DLGAP1: variants seen among roughly 807,000 people sequenced by gnomAD.
The protein encoded by DLGAP1 is DLG associated protein 1, also known as disks large-associated protein 1.
Under a neutral mutation model 90.8 loss-of-function variants are expected in DLGAP1, and 11 were observed. That is an observed-to-expected ratio of 0.12 (90% CI 0.08 to 0.20). The LOEUF (loss-of-function observed/expected upper bound fraction) is 0.20, where lower values mean the gene tolerates loss of function less well. DLGAP1 is among the 10% of genes least tolerant of loss of function. The pLI, the probability that DLGAP1 is intolerant of heterozygous loss-of-function variation, is 1.00. For synonymous variants in DLGAP1, 558 were observed against 540.7 expected (o/e 1.03, Z -0.44); for missense variants, 1,050 against 1,333.8 (o/e 0.79, Z 3.31).
intron 7 of DLGAP1, among the ~76,000 whole-genome samples, chr18:3,697,237 G>A (rs1210734707): frequency 1.3e-5 from 2 of 151,742 alleles, no homozygotes; most frequent in Non-Finnish European, 2.9e-5. Flanking sequence ...GCTAGCTTTT[G>A]CATTTGTTTG....
At chr18:3,967,023 G>A (rs1235844455) in intron 3 of DLGAP1, among the ~76,000 whole-genome samples, 2 of 152,196 alleles carry the variant, frequency 1.3e-5, no homozygotes, top group African/African-American at 4.8e-5. Context: ...AAGCAGAAGG[G>A]AAACCAGGAG....
intron 1 of DLGAP1, among the ~76,000 whole-genome samples, chr18:4,322,464 TC>T (rs2080715021): frequency 6.6e-6 from 1 of 152,176 alleles, no homozygotes; most frequent in African/African-American, 2.4e-5. Flanking sequence ...AAAACTGGAT[TC>T]TTTATCACAA....
chr18:4,444,987 C>T (rs1474988007), intron 1 of DLGAP1, among the ~76,000 whole-genome samples: 1 of 152,180 alleles, frequency 6.6e-6, no homozygotes, highest in Non-Finnish European at 1.5e-5. Flanking sequence ...GGCAGTAACA[C>T]TTCCCATCTG....
At chr18:4,300,983 TA>T (rs2080111088) in intron 1 of DLGAP1, among the ~76,000 whole-genome samples, 1 of 152,158 alleles carries the variant, frequency 6.6e-6, no homozygotes, top group Non-Finnish European at 1.5e-5. Flanking sequence ...ATTTTTTAAT[TA>T]AAATATTTAT....
chr18:4,005,230 C>T (rs2074277726), intron 2 of DLGAP1, 29 bp from the exon 3 acceptor site: 1 of 152,074 alleles, frequency 6.6e-6, no homozygotes, highest in Admixed American at 6.6e-5. Context: ...ATGTTTTAGT[C>T]TCCTGGTCAC....
intron 4 of DLGAP1, among the ~76,000 whole-genome samples, chr18:3,855,846 C>T (rs145293932): frequency 0.012 from 1,786 of 152,206 alleles, 28 homozygotes; most frequent in African/African-American, 0.041. Flanking sequence ...CTCCTGACCT[C>T]GTGATCCGCC....
chr18:3,902,011 C>A (rs568282068), intron 3 of DLGAP1, among the ~76,000 whole-genome samples: 2 of 152,334 alleles, frequency 1.3e-5, no homozygotes, highest in South Asian at 4.1e-4. Context: ...AAGTGAAGTG[C>A]ATGTCTGCCT....
At position 4,407,879 on chromosome 18, in the gene DLGAP1, AATAAATAAATAT is replaced by A. The variant is rs1305187472; in HGVS notation, c.-267+47115_-267+47126del. On this transcript the variant is annotated intron_variant, in intron 1 of 12. Transcript: ENST00000315677. ...CAGTCTCTAAATAAATAAATAAATA[AATAAATAAATAT>A]ATAAATAAATAAGAAAAGTATCTAA... 6.1e-3 allele frequency among the ~76,000 whole-genome samples: 339 copies of A among 55,366 alleles called. 1 individual carries two copies. Among genetic ancestry groups the A allele is most frequent in the African/African-American group, 0.035 (261 of 7,372 alleles). 36.3% of individuals were successfully genotyped at this position (55,366 alleles called of 152,430 possible).
chr18:4,123,030 G>A (rs1166300930), intron 2 of DLGAP1, among the ~76,000 whole-genome samples: 4 of 152,178 alleles, frequency 2.6e-5, no homozygotes, highest in Non-Finnish European at 2.9e-5. Flanking sequence ...TATTGTATAA[G>A]TAGTGATAAT....
intron 2 of DLGAP1, among the ~76,000 whole-genome samples, chr18:4,071,336 G>A (rs1049045076): frequency 2.1e-4 from 32 of 151,686 alleles, no homozygotes; most frequent in Admixed American, 9.2e-4. Context: ...TCTTTCTTTG[G>A]GAAAATTAAA....
intron 9 of DLGAP1, among the ~76,000 whole-genome samples, chr18:3,566,418 A>G (rs967639171): frequency 1.3e-5 from 2 of 151,738 alleles, no homozygotes; most frequent in Non-Finnish European, 2.9e-5. Context: ...ATACACACAT[A>G]GAATTTATTA....
chr18:4,116,159 A>G (rs1264135242), intron 2 of DLGAP1, among the ~76,000 whole-genome samples: 3 of 152,016 alleles, frequency 2.0e-5, no homozygotes, highest in Non-Finnish European at 4.4e-5. Context: ...ATTCTTGTTG[A>G]CCTTTTTTAC....
chr18:4,441,918 C>T (rs1187510191), intron 1 of DLGAP1, among the ~76,000 whole-genome samples: 5 of 152,208 alleles, frequency 3.3e-5, no homozygotes, highest in African/African-American at 4.8e-5. Context: ...AACAGACCTT[C>T]GTTCAATTAT....
intron 10 of DLGAP1, among the ~76,000 whole-genome samples, chr18:3,522,908 G>A (rs1453630484): frequency 2.0e-5 from 3 of 152,038 alleles, no homozygotes; most frequent in Non-Finnish European, 4.4e-5. Flanking sequence ...CCTAAGTGTA[G>A]GACCAGAAAC....
chr18:3,724,312 C>T (rs1046195351), intron 7 of DLGAP1, among the ~76,000 whole-genome samples: 12 of 152,028 alleles, frequency 7.9e-5, no homozygotes, highest in African/African-American at 2.9e-4. Context: ...GCAGCCTGGG[C>T]AACAGAGCAA....
chr18:3,989,311 G>A (rs1568337084), intron 3 of DLGAP1, among the ~76,000 whole-genome samples: 1 of 152,198 alleles, frequency 6.6e-6, no homozygotes, highest in Non-Finnish European at 1.5e-5. Flanking sequence ...TAATAAAGTG[G>A]CAAAGCACAG....
chr18:3,619,492 A>G (rs1274626750), intron 7 of DLGAP1, among the ~76,000 whole-genome samples: 2 of 152,166 alleles, frequency 1.3e-5, no homozygotes, highest in Non-Finnish European at 2.9e-5. Flanking sequence ...AAGTCCAGAA[A>G]GTAGCAGGGA....
intron 1 of DLGAP1, among the ~76,000 whole-genome samples, chr18:4,350,823 A>C (rs998661917): frequency 7.9e-5 from 12 of 152,120 alleles, no homozygotes; most frequent in Non-Finnish European, 1.5e-4. Context: ...CAATTTTTCA[A>C]ATAGTAGGTT....
chr18:4,151,999 T>C (rs891415118), intron 1 of DLGAP1, among the ~76,000 whole-genome samples: 1 of 152,122 alleles, frequency 6.6e-6, no homozygotes, highest in Admixed American at 6.6e-5. Flanking sequence ...AAAAAAATAG[T>C]TTCTTAGGAA....
Sources: gnomAD v4.1 joint callset for allele counts (sites outside exome capture counted in the v4.1 genomes callset) on GRCh38, gnomAD v4.1.1 for gene constraint, MANE v1.5 for transcripts, NCBI Gene and HGNC (gene_info 2026-07-23, HGNC 2026-07-21) for gene names.